Variants in GRID2 observed in about 807,000 individuals in gnomAD.
The protein encoded by GRID2 is glutamate receptor ionotropic, delta-2.
In GRID2, 33 loss-of-function variants were observed where a neutral mutation model predicts 114.8. That is an observed-to-expected ratio of 0.29 (90% CI 0.22 to 0.38). GRID2 has a LOEUF of 0.38. GRID2 is among the 10% of genes least tolerant of loss of function. GRID2 has a pLI of 1.00. For missense variants in GRID2, 1,184 were observed against 1,257.7 expected (o/e 0.94, Z 0.89); for synonymous variants, 505 against 449.9 (o/e 1.12, Z -1.55).
At chr4:92,448,796 A>G (rs1216221502) in intron 1 of GRID2, among the ~76,000 whole-genome samples, 1 of 152,122 alleles carries the variant, frequency 6.6e-6, no homozygotes, top group African/African-American at 2.4e-5. Context: ...ACATTTAAAT[A>G]TTTTATTAAA....
At chr4:92,649,331 G>T (rs1320484847) in intron 2 of GRID2, among the ~76,000 whole-genome samples, 2 of 150,178 alleles carry the variant, frequency 1.3e-5, no homozygotes, top group African/African-American at 4.9e-5. Context: ...AGGCAATGTT[G>T]TAACTCCAAG....
intron 2 of GRID2, among the ~76,000 whole-genome samples, chr4:92,685,196 G>A (rs1733840703): frequency 6.6e-6 from 1 of 151,846 alleles, no homozygotes; most frequent in Admixed American, 6.6e-5. Context: ...ACTTACTTTT[G>A]TCATGTGTCT....
chr4:92,761,183 T>C (rs1335639799), intron 2 of GRID2, among the ~76,000 whole-genome samples: 1 of 148,386 alleles, frequency 6.7e-6, no homozygotes, highest in Non-Finnish European at 1.5e-5. Context: ...TATCCATGCT[T>C]AAAAAAAAAA....
chr4:92,837,201 G>A (rs1030399353), intron 2 of GRID2, among the ~76,000 whole-genome samples: 5 of 151,960 alleles, frequency 3.3e-5, no homozygotes, highest in African/African-American at 9.7e-5. Flanking sequence ...GATGAACGAG[G>A]GGCCTGGTGT....
intron 2 of GRID2, among the ~76,000 whole-genome samples, chr4:92,943,687 G>C (rs974413192): frequency 1.3e-5 from 2 of 152,088 alleles, no homozygotes; most frequent in African/African-American, 4.8e-5. Flanking sequence ...TTTCTGCTCT[G>C]TTTTTTCCCC....
intron 2 of GRID2, among the ~76,000 whole-genome samples, chr4:92,724,804 A>G (rs559247306): frequency 6.6e-6 from 1 of 152,302 alleles, no homozygotes; most frequent in Non-Finnish European, 1.5e-5. Flanking sequence ...AATTAAAACA[A>G]TAAGTACCAT....
chr4:92,399,747 CATATT>C (rs916168359), intron 1 of GRID2, among the ~76,000 whole-genome samples: 5 of 150,596 alleles, frequency 3.3e-5, no homozygotes, highest in Admixed American at 6.6e-5. Flanking sequence ...GTAGGCAAAA[CATATT>C]ATTTTATTGT....
chr4:93,387,390 T>C (rs1048950133), intron 8 of GRID2, among the ~76,000 whole-genome samples: 5 of 152,132 alleles, frequency 3.3e-5, no homozygotes, highest in African/African-American at 9.7e-5. Context: ...TGGTCTTTAC[T>C]ATACAGAGTT....
At chr4:92,309,562 T>A (rs530836819) in intron 1 of GRID2, among the ~76,000 whole-genome samples, 21 of 152,012 alleles carry the variant, frequency 1.4e-4, no homozygotes, top group African/African-American at 4.6e-4. Flanking sequence ...GAAATATTTT[T>A]AAAAATCTCA....
At chr4:93,081,723 A>T (rs969278995) in intron 2 of GRID2, among the ~76,000 whole-genome samples, 3 of 152,176 alleles carry the variant, frequency 2.0e-5, no homozygotes, top group Non-Finnish European at 4.4e-5. Context: ...GAGATGTCAT[A>T]GGTTTAGATT....
chr4:92,913,892 C>G (rs1044260529), intron 2 of GRID2, among the ~76,000 whole-genome samples: 3 of 151,958 alleles, frequency 2.0e-5, no homozygotes, highest in Non-Finnish European at 4.4e-5. Flanking sequence ...TTCAAACATT[C>G]ATTAGAAGTG....
At chr4:92,506,211 ACTGTAGGCAACCAG>A (rs1490702290) in intron 1 of GRID2, among the ~76,000 whole-genome samples, 1 of 151,958 alleles carries the variant, frequency 6.6e-6, no homozygotes, top group Non-Finnish European at 1.5e-5. Flanking sequence ...AGGAAAATCA[ACTGTAGGCAACCAG>A]CTTGATGCCA....
intron 2 of GRID2, among the ~76,000 whole-genome samples, chr4:92,804,019 T>C (rs1273390388): frequency 6.6e-6 from 1 of 151,710 alleles, no homozygotes; most frequent in African/African-American, 2.4e-5. Flanking sequence ...AGGCAGAGAT[T>C]GGAGTGATGC....
intron 2 of GRID2, among the ~76,000 whole-genome samples, chr4:92,750,460 G>C (rs1737395004): frequency 6.8e-6 from 1 of 148,058 alleles, no homozygotes. Flanking sequence ...AGGTTATCTA[G>C]TTAAAGAACA....
At chr4:93,545,280 T>G (rs1405635801) in intron 13 of GRID2, among the ~76,000 whole-genome samples, 1 of 152,210 alleles carries the variant, frequency 6.6e-6, no homozygotes, top group Non-Finnish European at 1.5e-5. Flanking sequence ...TGGGAGGAAC[T>G]AATTTAGATT....
intron 2 of GRID2, among the ~76,000 whole-genome samples, chr4:92,716,171 C>G (rs1735537549): frequency 6.6e-6 from 1 of 152,192 alleles, no homozygotes. Context: ...GAATACAACA[C>G]ATTTTCTTTC....
chr4:92,827,818 A>G (rs1413924063), intron 2 of GRID2, among the ~76,000 whole-genome samples: 2 of 152,106 alleles, frequency 1.3e-5, no homozygotes, highest in African/African-American at 4.8e-5. Flanking sequence ...GTTTCAAATT[A>G]TTTAACATAG....
intron 11 of GRID2, among the ~76,000 whole-genome samples, chr4:93,457,761 T>C (rs1002588643): frequency 2.6e-5 from 4 of 152,090 alleles, no homozygotes; most frequent in African/African-American, 9.7e-5. Flanking sequence ...TCCTAGGTTT[T>C]TGAATAGAAA....
chr4:92,943,784 T>C (rs937496896), intron 2 of GRID2, among the ~76,000 whole-genome samples: 1 of 152,200 alleles, frequency 6.6e-6, no homozygotes, highest in South Asian at 2.1e-4. Flanking sequence ...TGTTTGTTAG[T>C]GTTCCTTCTA....
Sources: allele counts gnomAD v4.1 joint callset (sites outside exome capture counted in the v4.1 genomes callset), GRCh38; gene constraint gnomAD v4.1.1; transcripts MANE v1.5; gene names NCBI Gene and HGNC (gene_info 2026-07-23, HGNC 2026-07-21).